Variants in MYO3A observed in about 807,000 individuals in gnomAD.
The protein encoded by MYO3A is myosin-IIIa.
In MYO3A, 180 loss-of-function variants were observed where a neutral mutation model predicts 192.7. That is an observed-to-expected ratio of 0.93 (90% CI 0.83 to 1.06). The LOEUF (loss-of-function observed/expected upper bound fraction) is 1.06, where lower values mean the gene tolerates loss of function less well. MYO3A is among the 50% of genes least tolerant of loss of function. MYO3A has a pLI of 0.00. For synonymous variants in MYO3A, 628 were observed against 645.3 expected (o/e 0.97, Z 0.41); for missense variants, 1,896 against 1,905.0 (o/e 1.00, Z 0.09).
chr10:26,168,679 C>T (rs1362554152), intron 27 of MYO3A, 33 bp from the exon 28 acceptor site: 1 of 1,595,722 alleles, frequency 6.3e-7, no homozygotes, highest in South Asian at 1.1e-5. Flanking sequence ...ATCTGTGTGC[C>T]ATGGTTCTTT....
intron 10 of MYO3A, among the ~76,000 whole-genome samples, chr10:26,062,782 A>G (rs1834591387): frequency 6.6e-6 from 1 of 152,148 alleles, no homozygotes. Flanking sequence ...CAAGCTACAC[A>G]GGAAAGAAAA....
At chr10:26,013,382 A>C (rs7089870) in intron 6 of MYO3A, among the ~76,000 whole-genome samples, 3 of 152,092 alleles carry the variant, frequency 2.0e-5, no homozygotes, top group Non-Finnish European at 4.4e-5. Flanking sequence ...TGCATCCAAC[A>C]AAGGATTAAT....
At position 25,967,810 on chromosome 10, in the gene MYO3A, A is replaced by T. The variant is rs189176725; in HGVS notation, c.303+12802A>T. Among the ~76,000 whole-genome samples, 750 of 152,370 alleles carry T rather than the reference A, an allele frequency of 4.9e-3. 8 individuals carry two copies. The highest frequency in any genetic ancestry group is 7.2e-3 in the Non-Finnish European group (488 of 68,042). On this transcript the variant is annotated intron_variant, in intron 4 of 34. Transcript: ENST00000642920. The stretch of plus-strand genomic sequence containing the variant: ...ATATAATATATATGATGACAAATTC[A>T]TAAGAATCAGGTTTAACAGCACAAT...
At chr10:26,102,419 G>C (rs763716012) in intron 17 of MYO3A, among the ~76,000 whole-genome samples, 3 of 152,260 alleles carry the variant, frequency 2.0e-5, no homozygotes, top group Admixed American at 1.3e-4. Flanking sequence ...GTGATTCTCC[G>C]TCCAGCTTTG....
At position 26,060,247 on chromosome 10, in the gene MYO3A, G is replaced by A. The variant is rs917736551; in HGVS notation, c.954-6728G>A. 4.0e-5 allele frequency among the ~76,000 whole-genome samples: 6 copies of A among 150,940 alleles called. No individual in the cohort carries two copies. The East Asian group carries it at 5.8e-4, about 15-fold the overall frequency. ...GCACTACAGCCTGGGCAACAGGAGC[G>A]AAACTCCATCTCAATAAATAAATAA... On this transcript the variant is annotated intron_variant, in intron 10 of 34. Transcript: ENST00000642920.
intron 26 of MYO3A, among the ~76,000 whole-genome samples, chr10:26,159,070 G>A (rs947122792): frequency 1.9e-4 from 29 of 149,340 alleles, no homozygotes; most frequent in South Asian, 8.6e-4. Context: ...TGCAGTGGCC[G>A]GATCTCGGCT....
chr10:26,062,811 G>A (rs1436285399), intron 10 of MYO3A, among the ~76,000 whole-genome samples: 5 of 152,018 alleles, frequency 3.3e-5, no homozygotes, highest in Middle Eastern at 3.2e-3. Context: ...CAGGTGGGGC[G>A]GGTTAACCCT....
chr10:26,056,236 A>G (rs11014933), intron 10 of MYO3A, among the ~76,000 whole-genome samples: 71,755 of 151,832 alleles, frequency 0.47, 17,812 homozygotes, highest in Middle Eastern at 0.59. Flanking sequence ...GACTGGACTC[A>G]GTGGAGAAAA....
At chr10:26,127,058 T>G (rs1839259860) in intron 19 of MYO3A, among the ~76,000 whole-genome samples, 1 of 152,168 alleles carries the variant, frequency 6.6e-6, no homozygotes, top group Non-Finnish European at 1.5e-5. Flanking sequence ...CCTCCTCAAC[T>G]GTTAAATAGG....
chr10:26,143,647 C>A, intron 21 of MYO3A, 46 bp downstream of exon 21: 2 of 1,598,026 alleles, frequency 1.3e-6, no homozygotes, highest in South Asian at 1.1e-5. Flanking sequence ...TGAATAGAGT[C>A]TTGTCATTCT....
In MYO3A at chr10:26,067,059, A is replaced by G. The variant is rs727505229; in HGVS notation, c.1038A>G (p.Leu346=). ...NLKDVDDLAT[L]EILDENTVSE... is the part of the protein sequence containing the mutation. ...AGGATGTAGATGATTTAGCAACCCT[A>G]GAAATTTTGGATGAGGTAAGAATTT... Residue 346 remains leucine, a synonymous_variant, in exon 11 of 35, where the codon CTA becomes CTG. Transcript: ENST00000642920. The G allele has an allele frequency of 6.2e-7, 1 of 1,608,414 alleles. No homozygotes were observed. The highest frequency in any genetic ancestry group is 1.3e-5 in the African/African-American group (1 of 74,942).
intron 4 of MYO3A, among the ~76,000 whole-genome samples, chr10:25,962,532 A>G (rs1343881560): frequency 6.6e-6 from 1 of 152,116 alleles, no homozygotes; most frequent in East Asian, 1.9e-4. Context: ...ATAAAGGGAG[A>G]ACCAATGTTT....
At position 25,975,050 on chromosome 10, in the gene MYO3A, T is replaced by C. The variant is rs975927132; in HGVS notation, c.303+20042T>C. Among the ~76,000 whole-genome samples the C allele has an allele frequency of 4.6e-5, 7 of 151,948 alleles. No homozygotes were observed. In the South Asian group the frequency reaches 8.3e-4, roughly 18 times the overall value. On this transcript the variant is annotated intron_variant, in intron 4 of 34. Coordinates refer to ENST00000642920, the MANE Select transcript of MYO3A (RefSeq NM_017433.5). ...GCAGGCACTTTGAGGGAGGGAAGGA[T>C]AAGACAGGAATTTATGCTGAATGAG... is the stretch of plus-strand genomic sequence containing the variant.
chr10:25,986,351 G>T (rs1413042650), intron 4 of MYO3A, among the ~76,000 whole-genome samples: 1 of 152,114 alleles, frequency 6.6e-6, no homozygotes, highest in African/African-American at 2.4e-5. Flanking sequence ...CGAATTCCTT[G>T]CCAGAGCAAT....
chr10:26,057,414 A>G (rs1006689424), intron 10 of MYO3A, among the ~76,000 whole-genome samples: 22 of 152,192 alleles, frequency 1.4e-4, no homozygotes, highest in Non-Finnish European at 2.9e-5. Context: ...CCTGGAAGTC[A>G]CAGAGAAGTT....
chr10:26,141,820 C>T (rs949505684), intron 20 of MYO3A, among the ~76,000 whole-genome samples: 9 of 152,156 alleles, frequency 5.9e-5, no homozygotes, highest in African/African-American at 1.7e-4. Context: ...CTATTCTTCT[C>T]ATTTTTATGC....
chr10:26,128,265 T>A, intron 19 of MYO3A, 126 bp from the exon 20 acceptor site: 1 of 941,094 alleles, frequency 1.1e-6, no homozygotes, highest in Admixed American at 2.1e-5. Flanking sequence ...TTAAGAAAGT[T>A]TCACTCTAAG....
At chr10:26,122,878 A>G (rs906359729) in intron 18 of MYO3A, among the ~76,000 whole-genome samples, 2 of 152,216 alleles carry the variant, frequency 1.3e-5, no homozygotes, top group African/African-American at 2.4e-5. Context: ...TAGACAATAA[A>G]TGTATGTCAA....
At chr10:25,971,756 T>C (rs1239055357) in intron 4 of MYO3A, among the ~76,000 whole-genome samples, 1 of 152,236 alleles carries the variant, frequency 6.6e-6, no homozygotes, top group African/African-American at 2.4e-5. Context: ...TTTCTTCTGT[T>C]AATTTCAAGA....
Sources: gnomAD v4.1 joint callset for allele counts (sites outside exome capture counted in the v4.1 genomes callset) on GRCh38, gnomAD v4.1.1 for gene constraint, MANE v1.5 for transcripts, NCBI Gene and HGNC (gene_info 2026-07-23, HGNC 2026-07-21) for gene names.